ADCY2: variants seen among roughly 807,000 people sequenced by gnomAD.
The protein encoded by ADCY2 is adenylate cyclase 2.
ADCY2 carries 31 observed loss-of-function variants against 125.2 expected under a neutral mutation model. That is an observed-to-expected ratio of 0.25 (90% CI 0.19 to 0.33). The LOEUF (loss-of-function observed/expected upper bound fraction) is 0.33, where lower values mean the gene tolerates loss of function less well. ADCY2 is among the 10% of genes least tolerant of loss of function. ADCY2 has a pLI of 1.00. For missense variants in ADCY2, 904 were observed against 1,418.2 expected, an observed-to-expected ratio of 0.64 and a Z score of 5.82; for synonymous variants, 512 against 548.4, an observed-to-expected ratio of 0.93 and a Z score of 0.93.
At chr5:7,488,637 T>C (rs1390564179) in intron 2 of ADCY2, among the ~76,000 whole-genome samples, 2 of 152,130 alleles carry the variant, frequency 1.3e-5, no homozygotes, top group Admixed American at 1.3e-4. Flanking sequence ...TTAGGGGCAA[T>C]GGAGAGAGTG....
chr5:7,634,191 T>C (rs1738416957), intron 4 of ADCY2, among the ~76,000 whole-genome samples: 1 of 152,194 alleles, frequency 6.6e-6, no homozygotes, highest in South Asian at 2.1e-4. Context: ...ATCATGCATA[T>C]TTAATAGTAT....
chr5:7,563,680 G>A lies in ADCY2; in HGVS notation c.570+42781G>A, dbSNP rs1321461950. On this transcript the variant is annotated intron_variant, in intron 3 of 24. Coordinates refer to ENST00000338316, the MANE Select transcript of ADCY2 (RefSeq NM_020546.3). ...CTGAAAAGCACAAGGCAGAGGTATC[G>A]TATATGAGAACACAGGAACTTTATA... 1.1e-4 allele frequency among the ~76,000 whole-genome samples: 16 copies of A among 152,232 alleles called. No individual in the cohort carries two copies. The South Asian group carries it at 2.5e-3, about 24-fold the overall frequency.
chr5:7,616,529 A>G (rs1202091068), intron 3 of ADCY2, among the ~76,000 whole-genome samples: 1 of 152,210 alleles, frequency 6.6e-6, no homozygotes, highest in African/African-American at 2.4e-5. Context: ...TTGATTAAAA[A>G]TAAATGCTCA....
intron 4 of ADCY2, among the ~76,000 whole-genome samples, chr5:7,635,044 G>A (rs935760761): frequency 6.6e-6 from 1 of 152,200 alleles, no homozygotes; most frequent in African/African-American, 2.4e-5. Context: ...CCAAGGTCCT[G>A]AGTCAGGAGC....
chr5:7,426,480 G>A (rs1421794197), intron 2 of ADCY2, among the ~76,000 whole-genome samples: 2 of 152,174 alleles, frequency 1.3e-5, no homozygotes, highest in East Asian at 1.9e-4. Context: ...GGAAAGACCA[G>A]GCAGCTATCT....
At chr5:7,470,690 A>T (rs1742304204) in intron 2 of ADCY2, among the ~76,000 whole-genome samples, 1 of 150,918 alleles carries the variant, frequency 6.6e-6, no homozygotes, top group Admixed American at 6.6e-5. Flanking sequence ...GGCCCAGAAC[A>T]TGTTTTATTT....
At chr5:7,688,877 T>C (rs1178086311) in intron 4 of ADCY2, among the ~76,000 whole-genome samples, 2 of 152,178 alleles carry the variant, frequency 1.3e-5, no homozygotes, top group African/African-American at 4.8e-5. Flanking sequence ...CGAGTTTGAT[T>C]ACCTTTAGAG....
intron 18 of ADCY2, among the ~76,000 whole-genome samples, chr5:7,775,226 T>C (rs1743683946): frequency 6.6e-6 from 1 of 151,222 alleles, no homozygotes; most frequent in Admixed American, 6.6e-5. Flanking sequence ...CACACATACA[T>C]ATACATATAC....
At chr5:7,408,063 G>T (rs1739569965) in intron 1 of ADCY2, among the ~76,000 whole-genome samples, 1 of 151,458 alleles carries the variant, frequency 6.6e-6, no homozygotes. Context: ...GTAGAGACGG[G>T]GTTTCACCAT....
At chr5:7,401,638 T>C (rs1739268103) in intron 1 of ADCY2, among the ~76,000 whole-genome samples, 1 of 152,228 alleles carries the variant, frequency 6.6e-6, no homozygotes, top group Non-Finnish European at 1.5e-5. Context: ...ATGTCCCCAG[T>C]GTCTTCCCCA....
chr5:7,578,076 G>T (rs1294954414), intron 3 of ADCY2, among the ~76,000 whole-genome samples: 1 of 152,168 alleles, frequency 6.6e-6, no homozygotes, highest in Non-Finnish European at 1.5e-5. Flanking sequence ...GCTCCCTCCA[G>T]CTATCTCAAA....
chr5:7,579,361 G>A (rs1247199954), intron 3 of ADCY2, among the ~76,000 whole-genome samples: 1 of 152,024 alleles, frequency 6.6e-6, no homozygotes, highest in East Asian at 1.9e-4. Context: ...TTATACTACT[G>A]GAAGAAAGAG....
At chr5:7,610,360 T>G (rs1460199518) in intron 3 of ADCY2, among the ~76,000 whole-genome samples, 1 of 152,104 alleles carries the variant, frequency 6.6e-6, no homozygotes, top group Non-Finnish European at 1.5e-5. Context: ...CAGGCTGGGA[T>G]TCTCCATAGG....
intron 2 of ADCY2, among the ~76,000 whole-genome samples, chr5:7,431,467 G>C (rs1740598043): frequency 6.6e-6 from 1 of 151,900 alleles, no homozygotes; most frequent in African/African-American, 2.4e-5. Flanking sequence ...GAAGAAAGCT[G>C]TTAGTACCCT....
At chr5:7,440,633 G>C (rs1220114829) in intron 2 of ADCY2, among the ~76,000 whole-genome samples, 1 of 152,058 alleles carries the variant, frequency 6.6e-6, no homozygotes, top group Non-Finnish European at 1.5e-5. Flanking sequence ...CTTTATAGGA[G>C]GAAACACAGT....
intron 24 of ADCY2, among the ~76,000 whole-genome samples, chr5:7,822,046 T>G (rs560128002): frequency 1.3e-5 from 2 of 151,912 alleles, no homozygotes; most frequent in African/African-American, 4.8e-5. Context: ...GGTGCAAGAG[T>G]GGAAACAGGA....
At chr5:7,565,302 T>A (rs1488246082) in intron 3 of ADCY2, among the ~76,000 whole-genome samples, 1 of 152,226 alleles carries the variant, frequency 6.6e-6, no homozygotes, top group Non-Finnish European at 1.5e-5. Context: ...ATTAAGACAT[T>A]TATCAGAAGT....
intron 2 of ADCY2, among the ~76,000 whole-genome samples, chr5:7,445,547 G>T (rs1301510807): frequency 2.0e-5 from 3 of 152,172 alleles, no homozygotes; most frequent in African/African-American, 7.2e-5. Flanking sequence ...TATGGGGATT[G>T]CATTAAAATT....
At chr5:7,520,588 T>G in intron 2 of ADCY2, 150 bp from the exon 3 acceptor site, 3 of 819,370 alleles carry the variant, frequency 3.7e-6, no homozygotes, top group Non-Finnish European at 5.6e-6. Flanking sequence ...GTGGACTTAT[T>G]TGCATCGACT....
Sources: gnomAD v4.1 joint callset for allele counts (sites outside exome capture counted in the v4.1 genomes callset) on GRCh38, gnomAD v4.1.1 for gene constraint, MANE v1.5 for transcripts, NCBI Gene and HGNC (gene_info 2026-07-23, HGNC 2026-07-21) for gene names.